Variants in SECISBP2L observed in about 807,000 individuals in gnomAD.
SECISBP2L encodes the protein SECIS binding protein 2 like, also known as selenocysteine insertion sequence-binding protein 2-like.
In SECISBP2L, 43 loss-of-function variants were observed where a neutral mutation model predicts 114.7. The observed-to-expected ratio is 0.38, with a 90% CI of 0.29 to 0.48. The LOEUF is 0.48. Among genes scored for constraint, SECISBP2L ranks in the 20% least tolerant of loss-of-function variants. The probability of loss-of-function intolerance (pLI) is 0.98; values close to 1 mark genes in which losing one functional copy is unlikely to be tolerated. For missense variants in SECISBP2L, 1,136 were observed against 1,301.1 expected, an observed-to-expected ratio of 0.87 and a Z score of 1.95; for synonymous variants, 451 against 439.7, an observed-to-expected ratio of 1.03 and a Z score of -0.32.
intron 16 of SECISBP2L, among the ~76,000 whole-genome samples, chr15:48,998,321 G>A (rs1013819142): frequency 1.3e-5 from 2 of 152,166 alleles, no homozygotes; most frequent in Non-Finnish European, 2.9e-5. Flanking sequence ...TTGAAGAGTG[G>A]TGGGTGTTAC....
intron 8 of SECISBP2L, among the ~76,000 whole-genome samples, chr15:49,018,241 T>C (rs1462548497): frequency 1.3e-5 from 2 of 151,604 alleles, no homozygotes; most frequent in African/African-American, 4.8e-5. Flanking sequence ...ACTAAACTTA[T>C]CTAACATATT....
chr15:49,038,270 A>C (rs906686872), intron 1 of SECISBP2L, among the ~76,000 whole-genome samples: 1 of 152,084 alleles, frequency 6.6e-6, no homozygotes, highest in African/African-American at 2.4e-5. Context: ...AAAATACTTA[A>C]CATTAACAAG....
chr15:49,025,997 T>C (rs767596409), intron 7 of SECISBP2L, among the ~76,000 whole-genome samples: 1 of 152,212 alleles, frequency 6.6e-6, no homozygotes. Context: ...AGCAGATGAA[T>C]GGATGAAGAA....
intron 1 of SECISBP2L, 122 bp downstream of exon 1, chr15:49,046,154 G>C: frequency 9.5e-6 from 11 of 1,158,964 alleles, no homozygotes; most frequent in Non-Finnish European, 1.3e-5. Context: ...AGGCTCCCAG[G>C]TGAGGGGGTC....
intron 14 of SECISBP2L, among the ~76,000 whole-genome samples, chr15:49,005,001 C>T (rs1005641395): frequency 2.0e-5 from 3 of 152,110 alleles, no homozygotes; most frequent in Admixed American, 6.6e-5. Context: ...TTTTCTGTCT[C>T]GTTGATGTCT....
At chr15:49,028,373 T>C in intron 5 of SECISBP2L, 80 bp downstream of exon 5, 1 of 1,337,634 alleles carries the variant, frequency 7.5e-7, no homozygotes, top group East Asian at 2.3e-5. Context: ...TGAAAACAGA[T>C]ACTTAAGCTT....
At chr15:49,039,455 A>C (rs1903075885) in intron 1 of SECISBP2L, among the ~76,000 whole-genome samples, 1 of 152,136 alleles carries the variant, frequency 6.6e-6, no homozygotes, top group Non-Finnish European at 1.5e-5. Flanking sequence ...ACATACATGC[A>C]TAAGAAAAGA....
intron 1 of SECISBP2L, among the ~76,000 whole-genome samples, chr15:49,044,523 A>C (rs532378474): frequency 6.6e-6 from 1 of 152,270 alleles, no homozygotes; most frequent in South Asian, 2.1e-4. Context: ...TCACTTTTCT[A>C]TATATATTTT....
intron 11 of SECISBP2L, among the ~76,000 whole-genome samples, chr15:49,013,556 A>T (rs1166072717): frequency 3.3e-5 from 5 of 152,142 alleles, no homozygotes; most frequent in Non-Finnish European, 5.9e-5. Context: ...TGGCCTCCCA[A>T]AGTGCTGGGA....
At chr15:48,997,131 A>T (rs1004475491) in intron 16 of SECISBP2L, among the ~76,000 whole-genome samples, 5 of 152,216 alleles carry the variant, frequency 3.3e-5, no homozygotes, top group Admixed American at 3.3e-4. Flanking sequence ...TGAGGGGTGA[A>T]ATCAGGGCCT....
chr15:49,016,485 T>A (rs937089085), intron 11 of SECISBP2L, 75 bp downstream of exon 11: 2 of 1,432,420 alleles, frequency 1.4e-6, no homozygotes, highest in East Asian at 2.4e-5. Flanking sequence ...TATAAAATTT[T>A]AAAAATTTCG....
intron 3 of SECISBP2L, among the ~76,000 whole-genome samples, chr15:49,033,898 C>A (rs964075900): frequency 6.6e-6 from 1 of 152,120 alleles, no homozygotes; most frequent in Admixed American, 6.6e-5. Context: ...TATAAGTATT[C>A]ATCACTTAAT....
At chr15:49,044,658 T>C (rs1903206747) in intron 1 of SECISBP2L, among the ~76,000 whole-genome samples, 1 of 152,232 alleles carries the variant, frequency 6.6e-6, no homozygotes, top group African/African-American at 2.4e-5. Context: ...GTTTTTTTCC[T>C]AGTTCTTAAA....
At position 49,019,654 on chromosome 15, in the gene SECISBP2L, C is replaced by T. The variant is rs530821416; in HGVS notation, c.1036-102G>A. On this transcript the variant is annotated intron_variant, in intron 7 of 17. Coordinates refer to ENST00000559471, the MANE Select transcript of SECISBP2L (RefSeq NM_001193489.2). ...CAGAAAAGTACACGCAAGTGTACAACTCAATAAATTTTCACCAAGTGCATC... is the reference window on the plus strand; with the variant it reads ...CAGAAAAGTACACGCAAGTGTACAATTCAATAAATTTTCACCAAGTGCATC... The T allele has an allele frequency of 5.6e-5, 54 of 967,866 alleles. No individual in the cohort carries two copies. In the East Asian group the frequency reaches 1.7e-3, roughly 31 times the overall value. The allele number at this position is 967,866 out of a possible 1,614,324, so 60.0% of individuals were successfully genotyped here. A position where few individuals can be genotyped will look rare whatever the true frequency, so the allele number is the denominator to read the frequency against.
At chr15:49,021,329 A>C (rs1902636410) in intron 7 of SECISBP2L, among the ~76,000 whole-genome samples, 1 of 152,196 alleles carries the variant, frequency 6.6e-6, no homozygotes, top group Admixed American at 6.5e-5. Flanking sequence ...AAACAGACCA[A>C]AAAATCCCAT....
In SECISBP2L at chr15:48,991,970, A is replaced by AT. The variant is rs1425317932; in HGVS notation, c.*273dup. On this transcript the variant is annotated 3_prime_UTR_variant, in exon 18 of 18. Transcript: ENST00000559471. ...TCTTTTAAGTAAGCATTTGAAATTT[A>AT]TTTTCTTTAAGATCTGGTCTTCTTT... The AT allele has an allele frequency of 1.0e-5, 3 of 299,160 alleles. No homozygotes were observed. The highest frequency in any genetic ancestry group is 6.5e-5 in the African/African-American group (3 of 46,180). The allele number at this position is 299,160 out of a possible 1,614,324, so 18.5% of individuals were successfully genotyped here.
rs1902085865 is a variant in SECISBP2L at position 48,996,456 on chromosome 15, C to G, written c.2534G>C (p.Gly845Ala). ...TGCTGCAGAGGGATTCCGAGAATGT[C>G]CCATGTGGTGTGGTACCTTCTTCAC... The part of the protein sequence containing the change: ...KNVKKVPHHM[G>A]HSRNPSAASA... The change falls in exon 17 of 18, where the codon GGA becomes GCA. Residue 845 changes from glycine (G) to alanine (A), a missense_variant. This residue lies in a region of SECISBP2L where 684 missense variants were observed against 848.7 expected (regional missense o/e 0.81). Coordinates refer to ENST00000559471, the MANE Select transcript of SECISBP2L (RefSeq NM_001193489.2). 1 of 1,613,990 alleles carries G rather than the reference C, an allele frequency of 6.2e-7. No homozygotes were observed.
At chr15:49,003,900 C>CT (rs1181951154) in intron 14 of SECISBP2L, among the ~76,000 whole-genome samples, 2 of 152,082 alleles carry the variant, frequency 1.3e-5, no homozygotes, top group African/African-American at 2.4e-5. Context: ...CTGAAATTTT[C>CT]TTTTTTTGTT....
intron 11 of SECISBP2L, among the ~76,000 whole-genome samples, chr15:49,014,234 T>G (rs1262423859): frequency 6.6e-6 from 1 of 152,214 alleles, no homozygotes; most frequent in Non-Finnish European, 1.5e-5. Context: ...TATCCTTGCC[T>G]TCTGTAACAT....
Sources: allele counts gnomAD v4.1 joint callset (sites outside exome capture counted in the v4.1 genomes callset), GRCh38; gene constraint gnomAD v4.1.1; regional missense constraint gnomAD v4.1.1; transcripts MANE v1.5; gene names NCBI Gene and HGNC (gene_info 2026-07-23, HGNC 2026-07-21).